The following SUGCT variants were observed in gnomAD, a reference collection of about 807,000 sequenced individuals.
The protein encoded by SUGCT is succinyl-CoA:glutarate-CoA transferase.
SUGCT carries 41 observed loss-of-function variants against 55.0 expected under a neutral mutation model. The ratio of observed to expected loss-of-function variants is 0.74; its 90% CI spans 0.58 to 0.97. The LOEUF is 0.97. SUGCT is among the 50% of genes least tolerant of loss of function. The pLI, the probability that SUGCT is intolerant of heterozygous loss-of-function variation, is 0.00. For synonymous variants in SUGCT, 187 were observed against 200.4 expected (o/e 0.93, Z 0.56); for missense variants, 568 against 547.8 (o/e 1.04, Z -0.37).
chr7:40,843,835 G>A (rs4723982), intron 13 of SUGCT, among the ~76,000 whole-genome samples: 33,130 of 152,092 alleles, frequency 0.22, 4,756 homozygotes, highest in East Asian at 0.8. Flanking sequence ...TGACATGACT[G>A]GACTTGTTTT....
At chr7:40,850,324 C>A (rs2128798740) in intron 13 of SUGCT, among the ~76,000 whole-genome samples, 1 of 152,226 alleles carries the variant, frequency 6.6e-6, no homozygotes, top group East Asian at 1.9e-4. Flanking sequence ...TCAGTCTCCC[C>A]CATTTGTAAA....
intron 12 of SUGCT, among the ~76,000 whole-genome samples, chr7:40,579,937 G>T (rs1241717642): frequency 6.6e-6 from 1 of 152,128 alleles, no homozygotes; most frequent in Non-Finnish European, 1.5e-5. Context: ...CACCTATCAG[G>T]TCAGGTTTAT....
chr7:40,485,495 G>T (rs1791288441), intron 11 of SUGCT, among the ~76,000 whole-genome samples: 1 of 135,282 alleles, frequency 7.4e-6, no homozygotes, highest in Non-Finnish European at 1.5e-5. Context: ...GCATGATCAT[G>T]GCTCATTGTA....
At chr7:40,710,738 A>G (rs1177930260) in intron 12 of SUGCT, among the ~76,000 whole-genome samples, 1 of 152,228 alleles carries the variant, frequency 6.6e-6, no homozygotes, top group African/African-American at 2.4e-5. Flanking sequence ...ATAATTATCC[A>G]CTTACTGAAA....
rs542155472 is a variant in SUGCT, at chr7:40,636,892, T to C, written c.1090-112542T>C. ...TTTGGATACATGTATGTCCCCAAAA[T>C]ATTCAGAAAGATATCCCTAACCCCT... On this transcript the variant is annotated intron_variant, in intron 12 of 13. Transcript: ENST00000335693. Among the ~76,000 whole-genome samples the C allele has an allele frequency of 1.6e-3, 243 of 152,314 alleles. 1 individual carries two copies. Among genetic ancestry groups the C allele is most frequent in the African/African-American group, 5.7e-3 (235 of 41,566 alleles).
At chr7:40,536,096 A>G (rs183656243) in intron 12 of SUGCT, among the ~76,000 whole-genome samples, 2 of 152,326 alleles carry the variant, frequency 1.3e-5, no homozygotes, top group African/African-American at 4.8e-5. Flanking sequence ...ATGGTTTGCA[A>G]ATATTTTCTT....
rs76120751 is a variant in SUGCT, at chr7:40,383,231, A to C, written c.817-66056A>C. ...ATTATATACATATTTTATGCTACAC[A>C]CTACATCTATGTATTAGTAATGGCC... is the stretch of plus-strand genomic sequence containing the variant. On this transcript the variant is annotated intron_variant, in intron 9 of 13. Coordinates refer to ENST00000335693, the MANE Select transcript of SUGCT (RefSeq NM_001193313.2). Among the ~76,000 whole-genome samples, 1,064 of 152,274 alleles carry C rather than the reference A, an allele frequency of 7.0e-3. 6 individuals are homozygous for C. Among genetic ancestry groups the C allele is most frequent in the African/African-American group, 0.024 (1,013 of 41,562 alleles).
intron 12 of SUGCT, among the ~76,000 whole-genome samples, chr7:40,555,195 A>G (rs1441499705): frequency 6.6e-6 from 1 of 151,814 alleles, no homozygotes; most frequent in Non-Finnish European, 1.5e-5. Context: ...CCCAAAGGAA[A>G]TGGAAGATCA....
At chr7:40,248,893 C>CACAA (rs1790102117) in intron 7 of SUGCT, among the ~76,000 whole-genome samples, 1 of 124,332 alleles carries the variant, frequency 8.0e-6, no homozygotes, top group Non-Finnish European at 1.7e-5. Context: ...CGCTCGCACA[C>CACAA]ACACACACAC....
chr7:40,992,631 T>C, the SUGCT span, among the ~76,000 whole-genome samples: 504 of 151,958 alleles, frequency 3.3e-3, 2 homozygotes, highest in African/African-American at 0.011. Flanking sequence ...GAAAAGGGTT[T>C]TTCTGGGAAA....
chr7:40,950,615 T>C, the SUGCT span, among the ~76,000 whole-genome samples: 1 of 152,174 alleles, frequency 6.6e-6, no homozygotes. Flanking sequence ...GCTCTTATTA[T>C]TTTGAGATAC....
At chr7:40,733,260 C>T (rs1786989594) in intron 12 of SUGCT, among the ~76,000 whole-genome samples, 1 of 152,148 alleles carries the variant, frequency 6.6e-6, no homozygotes, top group African/African-American at 2.4e-5. Flanking sequence ...CATGACTCAG[C>T]CCTTTCTCCC....
At chr7:40,635,322 A>T (rs867317789) in intron 12 of SUGCT, among the ~76,000 whole-genome samples, 2 of 152,048 alleles carry the variant, frequency 1.3e-5, no homozygotes, top group Non-Finnish European at 2.9e-5. Context: ...ACAAAAAAAA[A>T]CACATAGGGA....
chr7:40,146,028 T>C (rs1788226241), intron 1 of SUGCT, among the ~76,000 whole-genome samples: 1 of 152,216 alleles, frequency 6.6e-6, no homozygotes, highest in Non-Finnish European at 1.5e-5. Context: ...CAGTGGTTAA[T>C]GTTAAATCAT....
At position 40,730,834 on chromosome 7, in the gene SUGCT, A is replaced by G. The variant is rs565044778; in HGVS notation, c.1090-18600A>G. On this transcript the variant is annotated intron_variant, in intron 12 of 13. Coordinates refer to ENST00000335693, the MANE Select transcript of SUGCT (RefSeq NM_001193313.2). ...TATTTTACTTAGGATAATGTCCTCC[A>G]GATTCATCCATGTTGTTGCAAATGA... 2.0e-5 allele frequency among the ~76,000 whole-genome samples: 3 copies of G among 152,342 alleles called. No homozygotes were observed. In the East Asian group the frequency reaches 5.8e-4, roughly 29 times the overall value.
chr7:40,377,459 T>A (rs1784662215), intron 9 of SUGCT, among the ~76,000 whole-genome samples: 1 of 151,544 alleles, frequency 6.6e-6, no homozygotes, highest in Non-Finnish European at 1.5e-5. Context: ...GCCAGGCTGG[T>A]CTCGATCTTC....
intron 12 of SUGCT, among the ~76,000 whole-genome samples, chr7:40,656,700 T>C (rs1291375282): frequency 6.6e-6 from 1 of 152,212 alleles, no homozygotes; most frequent in African/African-American, 2.4e-5. Context: ...ATGAGGAATG[T>C]CTGCAAACAG....
intron 12 of SUGCT, among the ~76,000 whole-genome samples, chr7:40,707,062 C>T (rs551168372): frequency 1.3e-5 from 2 of 152,230 alleles, no homozygotes; most frequent in African/African-American, 4.8e-5. Flanking sequence ...GCAGCTTCCT[C>T]GGATACCTGG....
intron 1 of SUGCT, among the ~76,000 whole-genome samples, chr7:40,155,160 C>T (rs1229300226): frequency 6.6e-6 from 1 of 152,046 alleles, no homozygotes; most frequent in Non-Finnish European, 1.5e-5. Flanking sequence ...TGGCGCATGC[C>T]TGTAATTCCA....
Sources: allele counts gnomAD v4.1 joint callset (sites outside exome capture counted in the v4.1 genomes callset), GRCh38; gene constraint gnomAD v4.1.1; transcripts MANE v1.5; gene names NCBI Gene and HGNC (gene_info 2026-07-23, HGNC 2026-07-21).